The following SYTL2 variants were observed in gnomAD, a reference collection of about 807,000 sequenced individuals.
SYTL2 encodes synaptotagmin-like protein 2.
SYTL2 carries 165 observed loss-of-function variants against 198.7 expected under a neutral mutation model. The ratio of observed to expected loss-of-function variants is 0.83; its 90% CI spans 0.73 to 0.94. The LOEUF (loss-of-function observed/expected upper bound fraction) is 0.94, where lower values mean the gene tolerates loss of function less well. SYTL2 is among the 40% of genes least tolerant of loss of function. SYTL2 has a pLI of 0.00. For synonymous variants in SYTL2, 966 were observed against 917.7 expected (o/e 1.05, Z -0.95); for missense variants, 2,835 against 2,582.8 (o/e 1.10, Z -2.12).
intron 12 of SYTL2, among the ~76,000 whole-genome samples, chr11:85,711,859 T>C (rs1211800798): frequency 6.6e-6 from 1 of 152,216 alleles, no homozygotes; most frequent in Admixed American, 6.5e-5. Flanking sequence ...TATTAAATTA[T>C]ACATTCTACC....
chr11:85,751,971 C>T (rs1429956642), intron 2 of SYTL2, among the ~76,000 whole-genome samples: 1 of 152,168 alleles, frequency 6.6e-6, no homozygotes, highest in Non-Finnish European at 1.5e-5. Context: ...CTTTTCATGC[C>T]AAGAGTGTGA....
intron 7 of SYTL2, among the ~76,000 whole-genome samples, chr11:85,732,787 T>C (rs1380854029): frequency 1.3e-5 from 2 of 152,220 alleles, no homozygotes; most frequent in Non-Finnish European, 2.9e-5. Context: ...ATTGTTGCTA[T>C]TGTGAATTAT....
intron 1 of SYTL2, among the ~76,000 whole-genome samples, chr11:85,767,954 G>A (rs630613): frequency 0.6 from 90,683 of 152,060 alleles, 27,805 homozygotes; most frequent in Non-Finnish European, 0.66. Context: ...GCAAGGTCAC[G>A]TGAGCTCAGC....
intron 7 of SYTL2, among the ~76,000 whole-genome samples, chr11:85,731,455 C>T (rs1320818352): frequency 6.6e-6 from 1 of 151,980 alleles, no homozygotes; most frequent in Non-Finnish European, 1.5e-5. Flanking sequence ...CTGATCTTTG[C>T]CAAAACTGAC....
chr11:85,707,398 G>C, intron 15 of SYTL2, 31 bp downstream of exon 15: 3 of 1,491,678 alleles, frequency 2.0e-6, no homozygotes, highest in Non-Finnish European at 2.8e-6. Context: ...TCACCATCTA[G>C]GATTTTCCTA....
chr11:85,737,553 T>G (rs1182614130), intron 5 of SYTL2, 22 bp downstream of exon 5: 1 of 1,595,610 alleles, frequency 6.3e-7, no homozygotes, highest in South Asian at 1.1e-5. Context: ...TACAAGATTT[T>G]CAAAATCTGG....
At chr11:85,781,316 G>A (rs535337522) in intron 1 of SYTL2, among the ~76,000 whole-genome samples, 10 of 152,108 alleles carry the variant, frequency 6.6e-5, no homozygotes, top group South Asian at 2.1e-4. Flanking sequence ...CTAGAACAGC[G>A]GCATGGGGGT....
chr11:85,816,915 C>CAAAAA, the SYTL2 span, among the ~76,000 whole-genome samples: 99 of 80,696 alleles, frequency 1.2e-3, 1 homozygote, highest in African/African-American at 2.1e-3. Context: ...AACCCTGTCT[C>CAAAAA]AAAAAAAAAA....
chr11:85,744,278 A>G (rs1221173420), intron 4 of SYTL2, among the ~76,000 whole-genome samples: 1 of 152,228 alleles, frequency 6.6e-6, no homozygotes. Flanking sequence ...TAATTCTGCT[A>G]GCAAACTATT....
rs779716066 is a variant in SYTL2, at chr11:85,696,329, G to T, written c.6428C>A (p.Thr2143Asn). 1.9e-6 allele frequency: 3 copies of T among 1,613,864 alleles called. No individual in the cohort carries two copies. The highest frequency in any genetic ancestry group is 1.3e-5 in the African/African-American group (1 of 74,894). Residue 2143 changes from threonine to asparagine, a missense_variant, in exon 19 of 20, where the codon ACC becomes AAC. Physicochemically the swap from Thr to Asn is moderately conservative, Grantham distance 65 (BLOSUM62 0). Around this residue, in one of 3 missense-constraint regions of SYTL2, gnomAD observed 185 missense variants for 182.1 expected, o/e 1.02. Transcript: ENST00000359152. The stretch of plus-strand genomic sequence containing the variant: ...AGTGTGGTTGAAGATAGGGTTGGTG[G>T]TTTTCCCTACAGCTCTTGTCTTCTG... ...SRQKTRAVGK[T>N]TNPIFNHTMV... is the part of the protein sequence containing the mutation.
chr11:85,718,580 C>T, intron 10 of SYTL2: 1 of 580,412 alleles, frequency 1.7e-6, no homozygotes, highest in Non-Finnish European at 3.1e-6. Context: ...TGATGAGATC[C>T]TCATGACAGT....
At chr11:85,809,817 C>A (rs1174984064) in intron 1 of SYTL2, among the ~76,000 whole-genome samples, 1 of 152,188 alleles carries the variant, frequency 6.6e-6, no homozygotes, top group East Asian at 1.9e-4. Flanking sequence ...ATGGGTTCTG[C>A]AATCTGATTT....
chr11:85,725,810 T>G lies in SYTL2; in HGVS notation c.3548A>C (p.Glu1183Ala), dbSNP rs751065859. The G allele has an allele frequency of 6.2e-7, 1 of 1,614,166 alleles. No individual in the cohort carries two copies. Among genetic ancestry groups the G allele is most frequent in the East Asian group, 2.2e-5 (1 of 44,882 alleles). Residue 1183 changes from glutamate to alanine, a missense_variant, in exon 8 of 20, where the codon GAA becomes GCA. By Grantham distance (107) the Glu-to-Ala change is moderately radical. This residue lies in a region of SYTL2 where 2,645 missense variants were observed against 2,381.7 expected (regional missense o/e 1.11). Transcript: ENST00000359152. ...AATGATCTTCTCAGGTCCTTTGACT[T>G]CTTCCTCAGTATCAGCAAAATCTGT... ...QKTDFADTEE[E>A]VKGPEKIINE...
chr11:85,766,658 G>C (rs922999349), intron 1 of SYTL2, among the ~76,000 whole-genome samples: 2 of 152,188 alleles, frequency 1.3e-5, no homozygotes, highest in Non-Finnish European at 2.9e-5. Context: ...TTCTGGAAGA[G>C]GGTAATTTGT....
Position 85,727,471 on chromosome 11 carries a change from A to T in SYTL2, c.1887T>A (p.Gly629=). The T allele has an allele frequency of 6.5e-7, 1 of 1,536,130 alleles. No homozygotes were observed. The highest frequency in any genetic ancestry group is 8.7e-7 in the Non-Finnish European group (1 of 1,146,908). The part of the protein sequence containing the change: ...SQKGTPKEGP[G]ILQPFESYGT... The stretch of plus-strand genomic sequence containing the variant: ...CATAGCTTTCAAATGGTTGCAATAT[A>T]CCTGGGCCTTCCTTTGGGGTGCCTT... The change falls in exon 8 of 20, where the codon GGT becomes GGA. Residue 629 remains glycine (G), a synonymous_variant. Coordinates refer to ENST00000359152, the MANE Select transcript of SYTL2 (RefSeq NM_206927.4).
the SYTL2 span, among the ~76,000 whole-genome samples, chr11:85,852,141 C>A: frequency 6.6e-6 from 1 of 152,152 alleles, no homozygotes; most frequent in African/African-American, 2.4e-5. Flanking sequence ...GTTCTTAATA[C>A]GTTATTAATA....
At chr11:85,785,194 G>A (rs2092617932) in intron 1 of SYTL2, among the ~76,000 whole-genome samples, 1 of 152,122 alleles carries the variant, frequency 6.6e-6, no homozygotes, top group South Asian at 2.1e-4. Context: ...ACACCAATGA[G>A]GTCCCCTCTG....
intron 14 of SYTL2, among the ~76,000 whole-genome samples, chr11:85,708,754 C>A (rs1032624324): frequency 6.7e-6 from 1 of 149,604 alleles, no homozygotes; most frequent in Admixed American, 6.7e-5. Context: ...CTGGTCCTTG[C>A]GTTCTTATCT....
intron 1 of SYTL2, among the ~76,000 whole-genome samples, chr11:85,805,482 T>C (rs2092946945): frequency 6.6e-6 from 1 of 152,136 alleles, no homozygotes; most frequent in South Asian, 2.1e-4. Context: ...GCAAAGGGAA[T>C]GGGAATTGTC....
Sources: gnomAD v4.1 joint callset for allele counts (sites outside exome capture counted in the v4.1 genomes callset) on GRCh38, gnomAD v4.1.1 for gene constraint, gnomAD v4.1.1 regional missense constraint, MANE v1.5 for transcripts, NCBI Gene and HGNC (gene_info 2026-07-23, HGNC 2026-07-21) for gene names.